RABGAP1: variants seen among roughly 807,000 people sequenced by gnomAD.
The protein encoded by RABGAP1 is RAB GTPase activating protein 1, also known as rab GTPase-activating protein 1.
RABGAP1 carries 23 observed loss-of-function variants against 137.6 expected under a neutral mutation model. That is an observed-to-expected ratio of 0.17 (90% CI 0.12 to 0.24). The LOEUF is 0.24. Among genes scored for constraint, RABGAP1 ranks in the 10% least tolerant of loss-of-function variants. RABGAP1 has a pLI of 1.00. For missense variants in RABGAP1, 906 were observed against 1,275.8 expected, an observed-to-expected ratio of 0.71 and a Z score of 4.42; for synonymous variants, 451 against 450.7, an observed-to-expected ratio of 1.00 and a Z score of -0.01.
intron 2 of RABGAP1, among the ~76,000 whole-genome samples, chr9:122,967,523 G>A (rs1835226776): frequency 6.6e-6 from 1 of 152,176 alleles, no homozygotes; most frequent in Non-Finnish European, 1.5e-5. Context: ...CCTAGGAACA[G>A]TTTCTAGAAA....
chr9:123,100,537 C>T (rs2035314786), intron 24 of RABGAP1, among the ~76,000 whole-genome samples: 1 of 152,064 alleles, frequency 6.6e-6, no homozygotes, highest in African/African-American at 2.4e-5. Flanking sequence ...ATTCTCCTTC[C>T]TCGCCTCCCA....
At chr9:123,059,013 G>T (rs1377375748) in intron 13 of RABGAP1, among the ~76,000 whole-genome samples, 1 of 152,152 alleles carries the variant, frequency 6.6e-6, no homozygotes, top group Non-Finnish European at 1.5e-5. Flanking sequence ...TGGTTCAAGT[G>T]GTATTCTGAA....
chr9:122,986,240 A>G lies in RABGAP1; in HGVS notation c.411A>G (p.Thr137=), dbSNP rs988721005. 1 of 1,614,164 alleles carries G rather than the reference A, an allele frequency of 6.2e-7. No individual in the cohort carries two copies. Among genetic ancestry groups the G allele is most frequent in the Non-Finnish European group, 8.5e-7 (1 of 1,179,978 alleles). The change falls in exon 4 of 26, where the codon ACA becomes ACG. Residue 137 remains threonine, a synonymous_variant. Coordinates refer to ENST00000373647, the MANE Select transcript of RABGAP1 (RefSeq NM_012197.4). ...QGDSEASSPF[T]PVADEDSVVF... ...ATTCTGAAGCTTCAAGTCCTTTCAC[A>G]CCAGTGGCCGATGAGGACAGCGTAG...
chr9:123,094,019 G>C (rs1168015101), intron 21 of RABGAP1, among the ~76,000 whole-genome samples: 1 of 152,148 alleles, frequency 6.6e-6, no homozygotes, highest in Non-Finnish European at 1.5e-5. Flanking sequence ...TTGTAAAGTG[G>C]TATTGTTTTT....
intron 1 of RABGAP1, among the ~76,000 whole-genome samples, chr9:122,952,875 C>G (rs142566662): frequency 1.4e-4 from 21 of 152,294 alleles, no homozygotes; most frequent in African/African-American, 4.8e-4. Context: ...CCAGGCTATT[C>G]ATATGTATCT....
In RABGAP1 at chr9:123,103,209, G is replaced by C. The variant is rs770913465; in HGVS notation, c.3206G>C (p.Cys1069Ser). The change falls in exon 26 of 26, where the codon TGC becomes TCC. Residue 1069 changes from cysteine (C) to serine (S), a missense_variant. Cys to Ser is a moderately radical substitution (Grantham distance 112). Coordinates refer to ENST00000373647, the MANE Select transcript of RABGAP1 (RefSeq NM_012197.4). ...ACCGGGGTTCAAGGGAAAGAGACTTGCTGAGAGCAGCTGCCGCCTCCCGAC... is the reference window on the plus strand; with the variant it reads ...ACCGGGGTTCAAGGGAAAGAGACTTCCTGAGAGCAGCTGCCGCCTCCCGAC... ...TATGVQGKET[C>S] 3.1e-6 allele frequency: 5 copies of C among 1,613,624 alleles called. No homozygotes were observed. In the Admixed American group the frequency reaches 8.3e-5, roughly 27 times the overall value.
chr9:122,958,217 G>T (rs1834642118), intron 2 of RABGAP1, among the ~76,000 whole-genome samples: 1 of 152,118 alleles, frequency 6.6e-6, no homozygotes, highest in Non-Finnish European at 1.5e-5. Flanking sequence ...GGAACCATCT[G>T]GCCACCTTGG....
intron 10 of RABGAP1, among the ~76,000 whole-genome samples, chr9:123,006,318 A>G (rs1024055231): frequency 3.3e-5 from 5 of 152,138 alleles, no homozygotes; most frequent in Non-Finnish European, 7.4e-5. Context: ...TGTTACTTAT[A>G]TGGTTTCATT....
intron 19 of RABGAP1, among the ~76,000 whole-genome samples, chr9:123,082,056 C>T (rs536902732): frequency 5.3e-5 from 8 of 151,820 alleles, no homozygotes; most frequent in African/African-American, 7.2e-5. Context: ...ATCTTCTTCT[C>T]GGTGCCCTTG....
In RABGAP1 at chr9:122,943,009, CAAAAAAT is replaced by C. The variant is rs562745336; in HGVS notation, c.-50+1930_-50+1936del. On this transcript the variant is annotated intron_variant, in intron 1 of 25. Transcript: ENST00000373647. ...CCTGGGTAACACAGCCAGTTCCCAT[CAAAAAAT>C]AAAAAATAAAAAAACAACAAAAAAT... 4.1e-3 allele frequency among the ~76,000 whole-genome samples: 585 copies of C among 143,008 alleles called. 10 individuals are homozygous for C. The highest frequency in any genetic ancestry group is 0.014 in the African/African-American group (546 of 37,864). The allele number at this position is 143,008 out of a possible 152,430, so 93.8% of individuals were successfully genotyped here. A position where few individuals can be genotyped will look rare whatever the true frequency, so the allele number is the denominator to read the frequency against.
At chr9:122,970,988 G>A (rs1442766206) in intron 2 of RABGAP1, among the ~76,000 whole-genome samples, 1 of 152,278 alleles carries the variant, frequency 6.6e-6, no homozygotes, top group South Asian at 2.1e-4. Flanking sequence ...GCTGACATTT[G>A]GTCTGCACTG....
intron 12 of RABGAP1, among the ~76,000 whole-genome samples, chr9:123,018,936 A>G (rs888607032): frequency 1.3e-5 from 2 of 152,212 alleles, no homozygotes; most frequent in African/African-American, 2.4e-5. Flanking sequence ...CAGCTGCTCT[A>G]TAACAGAGCA....
intron 13 of RABGAP1, among the ~76,000 whole-genome samples, chr9:123,057,759 C>T (rs1291906557): frequency 6.6e-6 from 1 of 152,202 alleles, no homozygotes; most frequent in Non-Finnish European, 1.5e-5. Context: ...CCAGCCTGGG[C>T]ACCATTGAGC....
chr9:123,084,038 C>T (rs1343797929), intron 19 of RABGAP1, among the ~76,000 whole-genome samples: 1 of 152,152 alleles, frequency 6.6e-6, no homozygotes, highest in Non-Finnish European at 1.5e-5. Context: ...ACACTGGGTC[C>T]TTAACTTTGG....
intron 13 of RABGAP1, among the ~76,000 whole-genome samples, chr9:123,055,770 G>A (rs2033669012): frequency 6.6e-6 from 1 of 151,986 alleles, no homozygotes; most frequent in Non-Finnish European, 1.5e-5. Context: ...GGCTGGTCTC[G>A]AACTCCTGAC....
chr9:122,935,120 C>T, the RABGAP1 span, among the ~76,000 whole-genome samples: 1,346 of 152,060 alleles, frequency 8.9e-3, 19 homozygotes, highest in African/African-American at 0.03. Context: ...TATCATGAAA[C>T]GTTTGATTCC....
intron 2 of RABGAP1, among the ~76,000 whole-genome samples, chr9:122,974,152 G>A (rs1037795047): frequency 1.3e-5 from 2 of 152,122 alleles, no homozygotes; most frequent in South Asian, 4.1e-4. Flanking sequence ...CAGTAAATAC[G>A]TCATCATGAT....
chr9:122,959,886 G>A (rs117543422), intron 2 of RABGAP1, among the ~76,000 whole-genome samples: 1,858 of 152,318 alleles, frequency 0.012, 99 homozygotes, highest in Admixed American at 0.093. Context: ...ACTTTGGGCA[G>A]AGCAACTAAC....
At chr9:123,053,581 T>G (rs533255666) in intron 13 of RABGAP1, among the ~76,000 whole-genome samples, 2 of 152,240 alleles carry the variant, frequency 1.3e-5, no homozygotes, top group African/African-American at 2.4e-5. Flanking sequence ...CAAAAATTGT[T>G]ACTTTATTCC....
Sources: gnomAD v4.1 joint callset for allele counts (sites outside exome capture counted in the v4.1 genomes callset) on GRCh38, gnomAD v4.1.1 for gene constraint, MANE v1.5 for transcripts, NCBI Gene and HGNC (gene_info 2026-07-23, HGNC 2026-07-21) for gene names.